PDE1C: variants seen among roughly 807,000 people sequenced by gnomAD.
The protein encoded by PDE1C is phosphodiesterase 1C.
A neutral mutation model predicts 93.1 loss-of-function variants in PDE1C; 62 were observed. The ratio of observed to expected loss-of-function variants is 0.67; its 90% confidence interval spans 0.54 to 0.82. PDE1C has a LOEUF of 0.82. PDE1C is among the 40% of genes least tolerant of loss of function. The pLI is 0.00. For synonymous variants in PDE1C, 325 were observed against 310.1 expected (o/e 1.05, Z -0.50); for missense variants, 742 against 884.6 (o/e 0.84, Z 2.04).
intron 3 of PDE1C, among the ~76,000 whole-genome samples, chr7:32,142,718 C>T (rs1800610255): frequency 6.6e-6 from 1 of 152,116 alleles, no homozygotes; most frequent in Admixed American, 6.5e-5. Flanking sequence ...ATGGCAAAGC[C>T]CCACTATGGA....
the PDE1C span, among the ~76,000 whole-genome samples, chr7:31,650,849 C>A: frequency 2.0e-5 from 3 of 152,162 alleles, no homozygotes; most frequent in African/African-American, 7.2e-5. Flanking sequence ...CTACCTACAT[C>A]CTTGCATCCC....
Position 32,184,797 on chromosome 7 carries a change from AAAAAT to A in PDE1C, c.137-14846_137-14842del, listed in dbSNP as rs888725898. 9.2e-5 allele frequency among the ~76,000 whole-genome samples: 14 copies of A among 152,258 alleles called. 1 individual carries two copies. The highest frequency in any genetic ancestry group is 3.9e-4 in the East Asian group (2 of 5,172). On this transcript the variant is annotated intron_variant, in intron 2 of 18. Transcript: ENST00000396193. ...GTACCCTAAAACTTAAAGTATAATA[AAAAAT>A]AAAATAAAATAAAATAAACAACTTC... is the stretch of plus-strand genomic sequence containing the variant.
intron 2 of PDE1C, among the ~76,000 whole-genome samples, chr7:31,938,252 C>T (rs977237509): frequency 2.0e-5 from 3 of 151,266 alleles, no homozygotes; most frequent in Non-Finnish European, 4.4e-5. Flanking sequence ...AATCTAGTAG[C>T]CTAGGAAAAA....
chr7:32,269,323 G>A (rs951718696), intron 1 of PDE1C, among the ~76,000 whole-genome samples: 1 of 152,166 alleles, frequency 6.6e-6, no homozygotes, highest in Admixed American at 6.5e-5. Flanking sequence ...ACATTTATGA[G>A]TAGCAAAACC....
At chr7:31,700,263 G>A in the PDE1C span, among the ~76,000 whole-genome samples, 1 of 152,216 alleles carries the variant, frequency 6.6e-6, no homozygotes, top group African/African-American at 2.4e-5. Flanking sequence ...TGATATGGAA[G>A]TGAAACATCC....
intron 17 of PDE1C, 142 bp downstream of exon 17, chr7:31,775,522 A>G: frequency 1.5e-6 from 1 of 664,146 alleles, no homozygotes; most frequent in Non-Finnish European, 2.6e-6. Flanking sequence ...AATGAGGGTG[A>G]CAGAGACAAA....
intron 3 of PDE1C, among the ~76,000 whole-genome samples, chr7:32,133,199 G>C (rs573607276): frequency 1.1e-4 from 16 of 152,250 alleles, no homozygotes; most frequent in African/African-American, 3.6e-4. Flanking sequence ...AAAGACATGA[G>C]CTATATCTGC....
At position 32,120,357 on chromosome 7, in the gene PDE1C, C is replaced by A. The variant is rs78863717; in HGVS notation, c.308+49428G>T. On this transcript the variant is annotated intron_variant, in intron 3 of 18. Transcript: ENST00000396193. ...GCAGCCCAGACAAGTGGGTTTCCCC[C>A]CAGGCAAAGCATACCCTCTCCACCA... is the stretch of plus-strand genomic sequence containing the variant. Among the ~76,000 whole-genome samples, 1,126 of 152,288 alleles carry A rather than the reference C, an allele frequency of 7.4e-3. 18 individuals carry two copies. The highest frequency in any genetic ancestry group is 0.025 in the African/African-American group (1,028 of 41,558).
At chr7:32,283,312 T>C (rs919380208) in intron 1 of PDE1C, among the ~76,000 whole-genome samples, 3 of 152,162 alleles carry the variant, frequency 2.0e-5, no homozygotes, top group African/African-American at 7.2e-5. Flanking sequence ...AAAATAGTAA[T>C]AAATGTACAT....
intron 2 of PDE1C, among the ~76,000 whole-genome samples, chr7:32,199,847 T>C (rs952069836): frequency 2.0e-5 from 3 of 152,086 alleles, no homozygotes; most frequent in African/African-American, 7.2e-5. Context: ...ACATCACAAG[T>C]GGGAATTTCA....
intron 1 of PDE1C, among the ~76,000 whole-genome samples, chr7:32,376,789 G>A (rs1175559272): frequency 6.6e-6 from 1 of 152,064 alleles, no homozygotes; most frequent in African/African-American, 2.4e-5. Flanking sequence ...CCAGGTTCAC[G>A]CCATTCTCCC....
chr7:32,105,846 A>T (rs918646869), intron 3 of PDE1C, among the ~76,000 whole-genome samples: 2 of 151,558 alleles, frequency 1.3e-5, no homozygotes, highest in African/African-American at 4.8e-5. Flanking sequence ...TTTTCTTAGC[A>T]ATTTAGACCA....
chr7:32,404,386 G>C (rs1435713105), intron 1 of PDE1C, among the ~76,000 whole-genome samples: 1 of 152,084 alleles, frequency 6.6e-6, no homozygotes, highest in African/African-American at 2.4e-5. Flanking sequence ...TTGAGAAAGA[G>C]TCTGTCACCC....
chr7:31,784,688 G>GT (rs948506675), intron 16 of PDE1C: 2 of 152,060 alleles, frequency 1.3e-5, no homozygotes, highest in African/African-American at 4.8e-5. Context: ...GAATCTGGTT[G>GT]TACAGTGGGC....
intron 1 of PDE1C, among the ~76,000 whole-genome samples, chr7:32,327,350 C>T (rs1156927642): frequency 1.3e-5 from 2 of 152,126 alleles, no homozygotes; most frequent in Non-Finnish European, 2.9e-5. Context: ...TTAAATGTAA[C>T]CATCACGTGG....
rs76740683 is a variant in PDE1C, at chr7:31,942,818, C to T, written c.129-61958G>A. Among the ~76,000 whole-genome samples, 1,394 of 152,200 alleles carry T rather than the reference C, an allele frequency of 9.2e-3. 19 individuals are homozygous for T. Among genetic ancestry groups the T allele is most frequent in the African/African-American group, 0.032 (1,310 of 41,534 alleles). ...TCATATAAATTTCATCCAGTTGAGC[C>T]GATTCACATATATGAAAACAAGATT... On this transcript the variant is annotated intron_variant, in intron 2 of 17. Coordinates refer to ENST00000396191, the MANE Select transcript of PDE1C (RefSeq NM_001191057.4).
upstream of PDE1C, chr7:32,071,126 C>T (rs773616823): frequency 1.4e-5 from 14 of 985,542 alleles, no homozygotes; most frequent in Admixed American, 1.8e-4. Context: ...GCTCCGACCC[C>T]GGCCGGGCAC....
At chr7:31,816,490 T>C (rs1172489606) in intron 14 of PDE1C, among the ~76,000 whole-genome samples, 1 of 152,136 alleles carries the variant, frequency 6.6e-6, no homozygotes, top group Non-Finnish European at 1.5e-5. Context: ...GCTGAGTGTT[T>C]TTTGGGGATT....
intron 1 of PDE1C, among the ~76,000 whole-genome samples, chr7:32,332,052 A>G (rs904668308): frequency 2.0e-5 from 3 of 152,240 alleles, no homozygotes; most frequent in Non-Finnish European, 2.9e-5. Flanking sequence ...TCATAGCCAG[A>G]GAATAAGTGC....
Sources: allele counts gnomAD v4.1 joint callset (sites outside exome capture counted in the v4.1 genomes callset), GRCh38; gene constraint gnomAD v4.1.1; transcripts MANE v1.5; gene names NCBI Gene and HGNC (gene_info 2026-07-23, HGNC 2026-07-21).